SPRR2G: variants seen among roughly 807,000 people sequenced by gnomAD.
SPRR2G encodes small proline rich protein 2G.
In SPRR2G, 1 loss-of-function variant was observed where a neutral mutation model predicts 0.7. That is an observed-to-expected ratio of 1.49 (90% CI 0.53 to 7.06). The LOEUF is 7.06. Ranked by LOEUF, SPRR2G falls within the 30% of genes most tolerant of loss-of-function variation. The pLI is 0.14. For synonymous variants in SPRR2G, 38 were observed against 33.9 expected (o/e 1.12, Z -0.42); for missense variants, 96 against 88.5 (o/e 1.09, Z -0.34).
chr1:153,195,052 A>G, the SPRR2G span, among the ~76,000 whole-genome samples: 1 of 152,182 alleles, frequency 6.6e-6, no homozygotes, highest in Non-Finnish European at 1.5e-5. Flanking sequence ...CAGCAGCTGC[A>G]GCAGTGCCAG....
the SPRR2G span, among the ~76,000 whole-genome samples, chr1:153,162,039 G>A: frequency 6.6e-6 from 1 of 152,142 alleles, no homozygotes; most frequent in Admixed American, 6.5e-5. Context: ...AAGGGTACAT[G>A]TGCAGGTTTG....
At chr1:153,162,129 G>A in the SPRR2G span, among the ~76,000 whole-genome samples, 2 of 152,122 alleles carry the variant, frequency 1.3e-5, no homozygotes, top group African/African-American at 4.8e-5. Context: ...GTACCCATTA[G>A]TTATTTTTCC....
chr1:153,154,918 T>C (rs1393053183), upstream of SPRR2G, among the ~76,000 whole-genome samples: 1 of 152,166 alleles, frequency 6.6e-6, no homozygotes, highest in African/African-American at 2.4e-5. Context: ...TCCGTTTTTA[T>C]CTTCCTAGAC....
At chr1:153,193,390 G>T in the SPRR2G span, among the ~76,000 whole-genome samples, 1 of 152,168 alleles carries the variant, frequency 6.6e-6, no homozygotes, top group Non-Finnish European at 1.5e-5. Flanking sequence ...CAGAGTATTT[G>T]TCCAGGTTGC....
At chr1:153,162,247 G>A in the SPRR2G span, among the ~76,000 whole-genome samples, 1 of 152,096 alleles carries the variant, frequency 6.6e-6, no homozygotes, top group African/African-American at 2.4e-5. Flanking sequence ...TTATAAGTGA[G>A]AACACGTGGT....
chr1:153,186,583 TA>T, the SPRR2G span, among the ~76,000 whole-genome samples: 6 of 152,312 alleles, frequency 3.9e-5, 1 homozygote, highest in Middle Eastern at 6.8e-3. Context: ...ATTTTGAGCC[TA>T]TGTGTGTCTT....
the SPRR2G span, among the ~76,000 whole-genome samples, chr1:153,178,866 T>C: frequency 6.6e-6 from 1 of 152,158 alleles, no homozygotes; most frequent in Admixed American, 6.5e-5. Flanking sequence ...ATTTCTTAAG[T>C]GTGTGGTATA....
the SPRR2G span, among the ~76,000 whole-genome samples, chr1:153,166,699 T>C: frequency 2.0e-5 from 3 of 152,156 alleles, no homozygotes; most frequent in Non-Finnish European, 4.4e-5. Context: ...CATTCATCAC[T>C]CACTCCCATA....
the SPRR2G span, among the ~76,000 whole-genome samples, chr1:153,160,235 G>A: frequency 6.6e-6 from 1 of 151,926 alleles, no homozygotes; most frequent in Non-Finnish European, 1.5e-5. Flanking sequence ...CAAATGACAG[G>A]GTTTCCTTCT....
At chr1:153,195,984 A>C in the SPRR2G span, among the ~76,000 whole-genome samples, 1 of 152,002 alleles carries the variant, frequency 6.6e-6, no homozygotes, top group Non-Finnish European at 1.5e-5. Flanking sequence ...ACAAAAGTAC[A>C]CTCAGGACCT....
At chr1:153,164,627 T>C in the SPRR2G span, among the ~76,000 whole-genome samples, 5 of 152,212 alleles carry the variant, frequency 3.3e-5, no homozygotes, top group African/African-American at 9.6e-5. Flanking sequence ...ATAACCTATA[T>C]ACATCCTCTG....
At chr1:153,151,378 CAATT>C (rs2101648187), upstream of SPRR2G, among the ~76,000 whole-genome samples, 1 of 152,252 alleles carries the variant, frequency 6.6e-6, no homozygotes, top group South Asian at 2.1e-4. Flanking sequence ...CTTTTCTTGA[CAATT>C]AATTGACTTG....
At chr1:153,196,937 T>G in the SPRR2G span, among the ~76,000 whole-genome samples, 1 of 152,198 alleles carries the variant, frequency 6.6e-6, no homozygotes, top group African/African-American at 2.4e-5. Context: ...AGAAGCCTGG[T>G]GGGCACCTTA....
the SPRR2G span, among the ~76,000 whole-genome samples, chr1:153,169,169 C>G: frequency 4.1e-3 from 626 of 152,210 alleles, 6 homozygotes; most frequent in Middle Eastern, 0.02. Context: ...GAAACCAGCC[C>G]TTTTGAAAGA....
chr1:153,152,864 A>T (rs1656501532), upstream of SPRR2G, among the ~76,000 whole-genome samples: 1 of 152,192 alleles, frequency 6.6e-6, no homozygotes, highest in East Asian at 1.9e-4. Flanking sequence ...AGTTATTTTT[A>T]CCAATAAATT....
the SPRR2G span, among the ~76,000 whole-genome samples, chr1:153,177,693 T>C: frequency 6.0e-4 from 91 of 152,328 alleles, no homozygotes; most frequent in African/African-American, 2.0e-3. Context: ...TTTTCATTTA[T>C]CTATATGTGT....
chr1:153,152,223 G>A (rs988129125), upstream of SPRR2G, among the ~76,000 whole-genome samples: 2 of 152,124 alleles, frequency 1.3e-5, no homozygotes, highest in Admixed American at 1.3e-4. Context: ...GTCAAAAACA[G>A]ATAATAAAGA....
chr1:153,157,136 T>A, the SPRR2G span, among the ~76,000 whole-genome samples: 1 of 152,234 alleles, frequency 6.6e-6, no homozygotes, highest in Non-Finnish European at 1.5e-5. Context: ...TAAGGAAAAC[T>A]AGCATAAGTT....
chr1:153,162,062 A>G, the SPRR2G span, among the ~76,000 whole-genome samples: 3 of 151,846 alleles, frequency 2.0e-5, no homozygotes, highest in Non-Finnish European at 4.4e-5. Context: ...ATATAGGTAA[A>G]CTCGTGTCAT....
Sources: gnomAD v4.1 joint callset for allele counts (sites outside exome capture counted in the v4.1 genomes callset) on GRCh38, gnomAD v4.1.1 for gene constraint, MANE v1.5 for transcripts, NCBI Gene and HGNC (gene_info 2026-07-23, HGNC 2026-07-21) for gene names.